Variants in TAFA1 observed in about 807,000 individuals in gnomAD.
The protein encoded by TAFA1 is chemokine-like protein TAFA-1.
In TAFA1, 4 loss-of-function variants were observed where a neutral mutation model predicts 18.5. The observed-to-expected ratio is 0.22, with a 90% CI of 0.11 to 0.49. The LOEUF is 0.49. TAFA1 is among the 20% of genes least tolerant of loss of function. The pLI, the probability that TAFA1 is intolerant of heterozygous loss-of-function variation, is 0.98. For missense variants in TAFA1, 147 were observed against 169.0 expected (o/e 0.87, Z 0.72); for synonymous variants, 56 against 55.2 (o/e 1.01, Z -0.06).
chr3:68,155,561 CT>C (rs1476792049), intron 2 of TAFA1, among the ~76,000 whole-genome samples: 2 of 152,090 alleles, frequency 1.3e-5, no homozygotes, highest in Non-Finnish European at 2.9e-5. Flanking sequence ...TCTCTTATGC[CT>C]TGTAGAAGTC....
At chr3:68,085,718 A>G (rs2064962891) in intron 2 of TAFA1, among the ~76,000 whole-genome samples, 1 of 152,196 alleles carries the variant, frequency 6.6e-6, no homozygotes, top group African/African-American at 2.4e-5. Flanking sequence ...CCTGTCACAT[A>G]TTTAGAAATC....
intron 2 of TAFA1, among the ~76,000 whole-genome samples, chr3:68,029,240 C>G (rs1362141669): frequency 1.3e-5 from 2 of 152,152 alleles, no homozygotes; most frequent in Non-Finnish European, 2.9e-5. Context: ...TTTCTGGAGG[C>G]TATCAGCCCA....
At chr3:68,139,853 GTTGT>G (rs2065649367) in intron 2 of TAFA1, among the ~76,000 whole-genome samples, 1 of 152,162 alleles carries the variant, frequency 6.6e-6, no homozygotes, top group Non-Finnish European at 1.5e-5. Flanking sequence ...AAGAGTACAA[GTTGT>G]TTATTATTGG....
chr3:68,381,533 A>T (rs926370143), intron 2 of TAFA1, among the ~76,000 whole-genome samples: 6 of 152,054 alleles, frequency 3.9e-5, no homozygotes, highest in African/African-American at 4.8e-5. Flanking sequence ...TTTGAAGCAA[A>T]TGTGAATGGG....
intron 2 of TAFA1, among the ~76,000 whole-genome samples, chr3:68,234,031 T>C (rs2066900360): frequency 6.6e-6 from 1 of 152,214 alleles, no homozygotes. Flanking sequence ...TCATCACTGC[T>C]CACTGCTGAG....
chr3:68,275,180 A>C lies in TAFA1; in HGVS notation c.119-142100A>C, dbSNP rs539227322. On this transcript the variant is annotated intron_variant, in intron 2 of 4. Coordinates refer to ENST00000478136, the MANE Select transcript of TAFA1 (RefSeq NM_213609.4). ...CTGGGGTGATAGCAGTGAACTAGAA[A>C]GCAAGAGTCCTTCCTTTATAGGTCT... Among the ~76,000 whole-genome samples, 241 of 152,304 alleles carry C rather than the reference A, an allele frequency of 1.6e-3. 1 individual carries two copies. Among genetic ancestry groups the C allele is most frequent in the African/African-American group, 5.6e-3 (232 of 41,574 alleles).
intron 2 of TAFA1, among the ~76,000 whole-genome samples, chr3:68,241,435 G>A (rs1347964503): frequency 1.3e-5 from 2 of 152,138 alleles, no homozygotes; most frequent in Admixed American, 6.5e-5. Context: ...GGAAGAAACT[G>A]TTGAGAAGTC....
chr3:68,435,126 C>G (rs1015177694), intron 3 of TAFA1, among the ~76,000 whole-genome samples: 1 of 152,054 alleles, frequency 6.6e-6, no homozygotes, highest in African/African-American at 2.4e-5. Flanking sequence ...GGAGGGTGTT[C>G]TAGATGGCTT....
At chr3:68,519,316 C>A (rs1005603926) in intron 3 of TAFA1, among the ~76,000 whole-genome samples, 2 of 152,212 alleles carry the variant, frequency 1.3e-5, no homozygotes, top group Non-Finnish European at 2.9e-5. Flanking sequence ...GAGGCAGGCC[C>A]TCACAAGACA....
chr3:68,055,858 C>T (rs2064529954), intron 2 of TAFA1, among the ~76,000 whole-genome samples: 1 of 152,104 alleles, frequency 6.6e-6, no homozygotes, highest in Non-Finnish European at 1.5e-5. Flanking sequence ...AGTTCTCTCA[C>T]ATCAGGTCCT....
intron 2 of TAFA1, among the ~76,000 whole-genome samples, chr3:68,215,553 T>C (rs2066647509): frequency 6.6e-6 from 1 of 152,020 alleles, no homozygotes; most frequent in South Asian, 2.1e-4. Flanking sequence ...AAAGATATTG[T>C]TAAGAGAATG....
intron 2 of TAFA1, among the ~76,000 whole-genome samples, chr3:68,139,976 G>T (rs2065650551): frequency 6.6e-6 from 1 of 152,156 alleles, no homozygotes; most frequent in South Asian, 2.1e-4. Context: ...TGGTTGTTAA[G>T]ACTAAATGAA....
intron 2 of TAFA1, among the ~76,000 whole-genome samples, chr3:68,109,441 T>A (rs1206492972): frequency 6.6e-6 from 1 of 152,110 alleles, no homozygotes; most frequent in South Asian, 2.1e-4. Flanking sequence ...GGAAAAAAAA[T>A]ATTTTCAGAT....
intron 3 of TAFA1, among the ~76,000 whole-genome samples, chr3:68,499,823 C>T (rs2106702992): frequency 6.7e-6 from 1 of 148,190 alleles, no homozygotes; most frequent in Non-Finnish European, 1.5e-5. Flanking sequence ...TTATCAGTGA[C>T]AGAAAACCCA....
intron 2 of TAFA1, among the ~76,000 whole-genome samples, chr3:68,120,093 C>T (rs555950179): frequency 6.6e-6 from 1 of 152,294 alleles, no homozygotes; most frequent in Non-Finnish European, 1.5e-5. Flanking sequence ...AGTGGTCCTG[C>T]CTACCTGCAA....
At chr3:67,995,531 T>C in the TAFA1 span, among the ~76,000 whole-genome samples, 13 of 152,326 alleles carry the variant, frequency 8.5e-5, no homozygotes, top group African/African-American at 2.9e-4. Context: ...TCTTTTTCTC[T>C]ACTCTAAACT....
At chr3:68,018,441 A>T (rs1238675553) in intron 2 of TAFA1, among the ~76,000 whole-genome samples, 1 of 152,240 alleles carries the variant, frequency 6.6e-6, no homozygotes, top group Non-Finnish European at 1.5e-5. Context: ...CAAACCTAAG[A>T]TAGTAATTAT....
chr3:68,494,047 A>T (rs1358109466), intron 3 of TAFA1, among the ~76,000 whole-genome samples: 1 of 152,206 alleles, frequency 6.6e-6, no homozygotes, highest in Non-Finnish European at 1.5e-5. Context: ...GACTAATGAT[A>T]TCAATTTCCC....
chr3:68,033,744 A>G (rs1189622459), intron 2 of TAFA1, among the ~76,000 whole-genome samples: 2 of 152,232 alleles, frequency 1.3e-5, no homozygotes, highest in Non-Finnish European at 2.9e-5. Context: ...AGGAACTGGA[A>G]TATATGTTTT....
Sources: gnomAD v4.1 joint callset for allele counts (sites outside exome capture counted in the v4.1 genomes callset) on GRCh38, gnomAD v4.1.1 for gene constraint, MANE v1.5 for transcripts, NCBI Gene and HGNC (gene_info 2026-07-23, HGNC 2026-07-21) for gene names.